Variants in APOO observed in about 807,000 individuals in gnomAD.
APOO encodes MICOS complex subunit MIC26.
Under a neutral mutation model 23.1 loss-of-function variants are expected in APOO, and 11 were observed. The ratio of observed to expected loss-of-function variants is 0.48; its 90% CI spans 0.30 to 0.79. The LOEUF (loss-of-function observed/expected upper bound fraction) is 0.79, where lower values mean the gene tolerates loss of function less well. APOO is among the 30% of genes least tolerant of loss of function. APOO has a pLI of 0.07. For synonymous variants in APOO, 59 were observed against 54.8 expected (o/e 1.08, Z -0.34); for missense variants, 160 against 142.7 (o/e 1.12, Z -0.62).
chrX:23,833,897 T>A (rs895659897), intron 8 of APOO, among the ~76,000 whole-genome samples: 7 of 110,800 alleles, frequency 6.3e-5, no homozygotes, highest in African/African-American at 2.3e-4. Flanking sequence ...GGCAGGAGAA[T>A]CACTTGAACC....
chrX:23,885,021 G>A (rs1002769111), intron 1 of APOO, among the ~76,000 whole-genome samples: 1 of 111,493 alleles, frequency 9.0e-6, no homozygotes, highest in African/African-American at 3.3e-5. Context: ...TTAAGAAAAA[G>A]TTGACCTGAA....
chrX:23,902,585 C>T (rs1262114241), intron 1 of APOO, among the ~76,000 whole-genome samples: 2 of 111,916 alleles, frequency 1.8e-5, no homozygotes, highest in African/African-American at 6.5e-5. Context: ...AAAGCTGCTT[C>T]CTACAATGGA....
intron 7 of APOO, among the ~76,000 whole-genome samples, chrX:23,848,506 G>A (rs756194731): frequency 1.0e-3 from 113 of 111,356 alleles, no homozygotes; most frequent in African/African-American, 3.5e-3. Context: ...TCTGAGGAAA[G>A]GGAATGAATT....
intron 1 of APOO, among the ~76,000 whole-genome samples, chrX:23,897,370 G>C (rs1245594647): frequency 8.9e-6 from 1 of 112,117 alleles, no homozygotes; most frequent in Non-Finnish European, 1.9e-5. Context: ...CATTTAGGCA[G>C]GTTTTGAGTC....
At chrX:23,861,896 T>C (rs1445806343) in intron 5 of APOO, among the ~76,000 whole-genome samples, 7 of 105,306 alleles carry the variant, frequency 6.6e-5, no homozygotes, top group Non-Finnish European at 3.9e-5. Context: ...CTCTGCCTCC[T>C]GGGTTCAAGT....
chrX:23,895,126 G>C (rs1926841918), intron 1 of APOO, among the ~76,000 whole-genome samples: 1 of 108,092 alleles, frequency 9.3e-6, no homozygotes, highest in South Asian at 4.1e-4. Flanking sequence ...GTGACAGAGT[G>C]AGACTCCGCC....
intron 8 of APOO, 96 bp downstream of exon 8, chrX:23,840,217 A>T (rs976176763): frequency 4.1e-5 from 19 of 464,563 alleles, no homozygotes; most frequent in Non-Finnish European, 4.3e-5. Context: ...TCAAATTGAA[A>T]CTGTTATAAT....
At chrX:23,846,126 G>A (rs1397387148) in intron 7 of APOO, among the ~76,000 whole-genome samples, 1 of 107,455 alleles carries the variant, frequency 9.3e-6, no homozygotes, top group African/African-American at 3.4e-5. Flanking sequence ...CCAACATGGC[G>A]AAACCCCGTC....
intron 1 of APOO, among the ~76,000 whole-genome samples, chrX:23,901,521 G>GTTCCC (rs1927131587): frequency 8.1e-5 from 9 of 111,345 alleles, no homozygotes; most frequent in East Asian, 5.6e-4. Flanking sequence ...TCAATGAATA[G>GTTCCC]ATCCCACAGT....
chrX:23,878,634 TTTAAG>T (rs750031498), intron 3 of APOO, among the ~76,000 whole-genome samples: 17 of 112,109 alleles, frequency 1.5e-4, no homozygotes, highest in African/African-American at 4.8e-4. Flanking sequence ...AATTACACTC[TTTAAG>T]TTATTTTAAA....
intron 5 of APOO, among the ~76,000 whole-genome samples, chrX:23,862,628 T>G: frequency 9.7e-6 from 1 of 103,246 alleles, no homozygotes. Flanking sequence ...AAAAAATTAG[T>G]CAGGTGTGGT....
At chrX:23,897,135 A>T (rs899979093) in intron 1 of APOO, among the ~76,000 whole-genome samples, 4 of 112,015 alleles carry the variant, frequency 3.6e-5, no homozygotes, top group African/African-American at 1.3e-4. Context: ...TTCAAGACTA[A>T]TATTATCTTT....
rs967628417 is a variant in APOO at position 23,844,680 on chromosome X, C to T, written c.562-4303G>A. Among the ~76,000 whole-genome samples, 5 of 111,880 alleles carry T rather than the reference C, an allele frequency of 4.5e-5. No homozygotes were observed. The East Asian group carries it at 8.4e-4, about 19-fold the overall frequency. On this transcript the variant is annotated intron_variant, in intron 7 of 8. Coordinates refer to ENST00000379226, the MANE Select transcript of APOO (RefSeq NM_024122.5). ...CCCCCCTAGGGCCTCTAGAAAGGAA[C>T]GCAACCCTGCTGACACCTTGATTTA...
intron 4 of APOO, among the ~76,000 whole-genome samples, chrX:23,868,905 T>C (rs1925467344): frequency 9.1e-6 from 1 of 109,598 alleles, no homozygotes; most frequent in Admixed American, 9.9e-5. Flanking sequence ...AATTTTCTTT[T>C]CTTTCTTTTT....
At chrX:23,841,578 A>G (rs1221271201) in intron 7 of APOO, among the ~76,000 whole-genome samples, 2 of 109,448 alleles carry the variant, frequency 1.8e-5, no homozygotes, top group African/African-American at 6.7e-5. Flanking sequence ...TCTGGGAAAC[A>G]AGGCCATACG....
Position 23,890,308 on chromosome X carries a change from C to G in APOO, c.10-9356G>C, listed in dbSNP as rs185436448. On this transcript the variant is annotated intron_variant, in intron 1 of 8. Coordinates refer to ENST00000379226, the MANE Select transcript of APOO (RefSeq NM_024122.5). ...ATACCCTCCACCCCTAATTCCCTCT[C>G]TAACAACTACCTTACCCTTCTACCA... 5.7e-4 allele frequency among the ~76,000 whole-genome samples: 64 copies of G among 111,910 alleles called. 2 individuals carry two copies. In the East Asian group the frequency reaches 0.017, roughly 29 times the overall value.
intron 7 of APOO, among the ~76,000 whole-genome samples, chrX:23,844,542 C>T (rs1402314016): frequency 9.1e-6 from 1 of 110,319 alleles, no homozygotes; most frequent in African/African-American, 3.3e-5. Context: ...CTGCAGGCTT[C>T]GACAATAGAG....
intron 5 of APOO, among the ~76,000 whole-genome samples, chrX:23,867,356 A>G (rs750597402): frequency 2.7e-5 from 3 of 110,143 alleles, no homozygotes; most frequent in South Asian, 7.7e-4. Context: ...TTCTCACTCT[A>G]TTAGTTAACA....
At chrX:23,855,904 T>C (rs1382379571) in intron 7 of APOO, among the ~76,000 whole-genome samples, 1 of 111,943 alleles carries the variant, frequency 8.9e-6, no homozygotes, top group Non-Finnish European at 1.9e-5. Flanking sequence ...ACAGAACTCA[T>C]GATAAGTGAA....
Sources: allele counts gnomAD v4.1 joint callset (sites outside exome capture counted in the v4.1 genomes callset), GRCh38; gene constraint gnomAD v4.1.1; transcripts MANE v1.5; gene names NCBI Gene and HGNC (gene_info 2026-07-23, HGNC 2026-07-21).